Variants in DOCK8 observed in about 807,000 individuals in gnomAD.
DOCK8 encodes dedicator of cytokinesis 8.
In DOCK8, 141 loss-of-function variants were observed where a neutral mutation model predicts 245.6. The observed-to-expected ratio is 0.57, with a 90% confidence interval of 0.50 to 0.66. The LOEUF is 0.66. Ranked by LOEUF, DOCK8 falls within the 30% of genes least tolerant of loss-of-function variation. The pLI is 0.00. For synonymous variants in DOCK8, 1,168 were observed against 970.2 expected (o/e 1.20, Z -3.79); for missense variants, 2,965 against 2,603.4 (o/e 1.14, Z -3.02).
chr9:340,836 C>T (rs1050947094), intron 14 of DOCK8, among the ~76,000 whole-genome samples: 1 of 152,028 alleles, frequency 6.6e-6, no homozygotes, highest in Non-Finnish European at 1.5e-5. Context: ...AGGGTTACTT[C>T]AGATGTAATT....
chr9:250,809 G>T (rs928445249), intron 1 of DOCK8, among the ~76,000 whole-genome samples: 1 of 152,188 alleles, frequency 6.6e-6, no homozygotes, highest in African/African-American at 2.4e-5. Context: ...GGACAGGAAG[G>T]AAGTCCTGGC....
intron 18 of DOCK8, among the ~76,000 whole-genome samples, chr9:372,844 A>G (rs2053355900): frequency 6.6e-6 from 1 of 152,224 alleles, no homozygotes; most frequent in African/African-American, 2.4e-5. Flanking sequence ...AGCCTGGCCA[A>G]GGTGGCAAAA....
At chr9:439,999 A>G (rs2057038214) in intron 40 of DOCK8, among the ~76,000 whole-genome samples, 1 of 152,150 alleles carries the variant, frequency 6.6e-6, no homozygotes, top group African/African-American at 2.4e-5. Flanking sequence ...ATTCAGGGCA[A>G]AGAGGAAACA....
At chr9:414,083 A>G (rs959306702) in intron 28 of DOCK8, among the ~76,000 whole-genome samples, 1 of 151,626 alleles carries the variant, frequency 6.6e-6, no homozygotes, top group Admixed American at 6.6e-5. Flanking sequence ...TGGAGGTTGC[A>G]GTGAGCCGAG....
At chr9:217,781 C>G (rs563798766) in intron 1 of DOCK8, among the ~76,000 whole-genome samples, 3 of 152,276 alleles carry the variant, frequency 2.0e-5, no homozygotes, top group African/African-American at 7.2e-5. Context: ...AAAAGCCTAT[C>G]AAACTCATGA....
chr9:229,834 C>A (rs1421035606), intron 1 of DOCK8, among the ~76,000 whole-genome samples: 2 of 151,998 alleles, frequency 1.3e-5, no homozygotes, highest in African/African-American at 4.8e-5. Context: ...CCAACCAAAC[C>A]ATCCAATGGT....
Position 434,910 on chromosome 9 carries a change from G to C in DOCK8, c.5014G>C (p.Val1672Leu), listed in dbSNP as rs767716545. The C allele has an allele frequency of 3.1e-6, 5 of 1,613,872 alleles. No homozygotes were observed. Among genetic ancestry groups the C allele is most frequent in the Non-Finnish European group, 4.2e-6 (5 of 1,180,048 alleles). ...GTGCCTGGTGCACGCCGCTGCGTTA[G>C]TGGCTGAGTATCTGAGCATGCTGGA... ...AMCLVHAAALVAEYLSMLEDH... is the reference protein window; with the variant it reads ...AMCLVHAAALLAEYLSMLEDH... Residue 1672 changes from valine (V) to leucine (L), a missense_variant, in exon 39 of 48, where the codon GTG (valine) becomes CTG (leucine). Physicochemically the swap from Val to Leu is conservative, Grantham distance 32. Around this residue, in one of 3 missense-constraint regions of DOCK8, gnomAD observed 2,825 missense variants for 2,453.5 expected, o/e 1.15. Coordinates refer to ENST00000432829, the MANE Select transcript of DOCK8 (RefSeq NM_203447.4).
chr9:226,483 G>C (rs1268693307), intron 1 of DOCK8, among the ~76,000 whole-genome samples: 2 of 152,138 alleles, frequency 1.3e-5, no homozygotes, highest in Admixed American at 6.6e-5. Context: ...GAAACCAGCT[G>C]GGAGGCAGTG....
At chr9:402,432 G>A (rs2055155222) in intron 26 of DOCK8, among the ~76,000 whole-genome samples, 1 of 152,144 alleles carries the variant, frequency 6.6e-6, no homozygotes, top group Admixed American at 6.5e-5. Context: ...AAACTAGGCT[G>A]GATTAGATTT....
At chr9:260,368 G>T (rs146253925) in intron 1 of DOCK8, among the ~76,000 whole-genome samples, 1 of 152,316 alleles carries the variant, frequency 6.6e-6, no homozygotes, top group Non-Finnish European at 1.5e-5. Context: ...CAATGCAAAT[G>T]TTGGTTTTGC....
chr9:375,587 A>C (rs1032210880), intron 18 of DOCK8, among the ~76,000 whole-genome samples: 6 of 152,242 alleles, frequency 3.9e-5, no homozygotes, highest in African/African-American at 1.4e-4. Context: ...TAGAATCCAG[A>C]ATCATCAATG....
intron 1 of DOCK8, among the ~76,000 whole-genome samples, chr9:232,888 C>A (rs1007215314): frequency 3.3e-5 from 5 of 152,108 alleles, no homozygotes; most frequent in African/African-American, 1.2e-4. Context: ...TTTTGTGTTT[C>A]TGTTTCCTTC....
chr9:244,746 C>T (rs539353336), intron 1 of DOCK8, among the ~76,000 whole-genome samples: 25 of 152,308 alleles, frequency 1.6e-4, no homozygotes, highest in African/African-American at 5.5e-4. Flanking sequence ...TCTAAAGTTT[C>T]CTCCCAGTTG....
At chr9:313,810 G>T (rs931524476) in intron 6 of DOCK8, among the ~76,000 whole-genome samples, 15 of 152,148 alleles carry the variant, frequency 9.9e-5, no homozygotes, top group African/African-American at 3.1e-4. Flanking sequence ...ATGTTAATTA[G>T]CTTGATTTAA....
At chr9:326,471 C>T (rs570359394) in intron 8 of DOCK8, among the ~76,000 whole-genome samples, 1 of 152,340 alleles carries the variant, frequency 6.6e-6, no homozygotes, top group East Asian at 1.9e-4. Context: ...CTTGTTAAAA[C>T]ACAGATTGCT....
chr9:417,551 G>A (rs898470919), intron 29 of DOCK8, among the ~76,000 whole-genome samples: 2 of 151,888 alleles, frequency 1.3e-5, no homozygotes, highest in East Asian at 1.9e-4. Flanking sequence ...ACTTTTAAAC[G>A]GTTTATCGTT....
At chr9:233,280 G>A (rs972830138) in intron 1 of DOCK8, among the ~76,000 whole-genome samples, 1 of 152,012 alleles carries the variant, frequency 6.6e-6, no homozygotes, top group African/African-American at 2.4e-5. Context: ...TATAATTTCT[G>A]TTCTTTTACA....
intron 13 of DOCK8, among the ~76,000 whole-genome samples, chr9:339,729 T>G (rs539296720): frequency 9.2e-5 from 14 of 152,200 alleles, no homozygotes; most frequent in Non-Finnish European, 1.3e-4. Flanking sequence ...TTGGCCAGGA[T>G]TGTCTCGATC....
rs1278763010 is a variant in DOCK8, at chr9:372,357, T to C, written c.2109+71T>C. Reference sequence around the variant, plus strand: ...CTTGGACCACCTTCCCAGACTCACTTTCCATTCCCATGTGGCCATGGATGT... The same window carrying C: ...CTTGGACCACCTTCCCAGACTCACTCTCCATTCCCATGTGGCCATGGATGT... On this transcript the variant is annotated intron_variant, in intron 18 of 47. Coordinates refer to ENST00000432829, the MANE Select transcript of DOCK8 (RefSeq NM_203447.4). 6 of 1,245,520 alleles carry C rather than the reference T, an allele frequency of 4.8e-6. No individual in the cohort carries two copies. The African/African-American group carries it at 8.9e-5, about 18-fold the overall frequency. 77.2% of individuals were successfully genotyped at this position (1,245,520 alleles called of 1,614,324 possible).
Sources: allele counts gnomAD v4.1 joint callset (sites outside exome capture counted in the v4.1 genomes callset), GRCh38; gene constraint gnomAD v4.1.1; regional missense constraint gnomAD v4.1.1; transcripts MANE v1.5; gene names NCBI Gene and HGNC (gene_info 2026-07-23, HGNC 2026-07-21).